The following NLGN1 variants were observed in gnomAD, a reference collection of about 807,000 sequenced individuals.
NLGN1 encodes the protein neuroligin-1.
In NLGN1, 12 loss-of-function variants were observed where a neutral mutation model predicts 65.5. The observed-to-expected ratio is 0.18, with a 90% CI of 0.12 to 0.30. NLGN1 has a LOEUF of 0.30. NLGN1 is among the 10% of genes least tolerant of loss of function. The pLI is 1.00. For synonymous variants in NLGN1, 350 were observed against 359.5 expected, an observed-to-expected ratio of 0.97 and a Z score of 0.30; for missense variants, 750 against 1,007.1, an observed-to-expected ratio of 0.74 and a Z score of 3.46.
intron 3 of NLGN1, among the ~76,000 whole-genome samples, chr3:173,779,913 A>T (rs1270122915): frequency 2.0e-5 from 3 of 152,192 alleles, no homozygotes; most frequent in African/African-American, 7.2e-5. Flanking sequence ...AAATGTTCAT[A>T]AATTGACTCT....
intron 3 of NLGN1, among the ~76,000 whole-genome samples, chr3:173,696,336 A>C (rs1409901117): frequency 6.6e-6 from 1 of 152,092 alleles, no homozygotes; most frequent in Non-Finnish European, 1.5e-5. Flanking sequence ...TAGCACTCTA[A>C]CTTCTCCTTG....
chr3:173,748,831 CTT>C (rs1304199496), intron 3 of NLGN1, among the ~76,000 whole-genome samples: 1 of 151,960 alleles, frequency 6.6e-6, no homozygotes, highest in East Asian at 1.9e-4. Flanking sequence ...AGTAAGGTTG[CTT>C]ATTTATTTGA....
At chr3:173,421,984 T>C (rs987544486) in intron 1 of NLGN1, among the ~76,000 whole-genome samples, 2 of 152,156 alleles carry the variant, frequency 1.3e-5, no homozygotes, top group Non-Finnish European at 2.9e-5. Flanking sequence ...GATACATATA[T>C]ACAATGTTTA....
intron 2 of NLGN1, chr3:173,584,729 G>C (rs1207720697): frequency 2.0e-5 from 3 of 149,558 alleles, no homozygotes; most frequent in Non-Finnish European, 4.4e-5. Flanking sequence ...GTTGCATCTG[G>C]AGAGAAAAAA....
At chr3:173,569,637 T>G (rs1436265061) in intron 2 of NLGN1, among the ~76,000 whole-genome samples, 1 of 152,068 alleles carries the variant, frequency 6.6e-6, no homozygotes, top group Non-Finnish European at 1.5e-5. Flanking sequence ...CTATTTGTTT[T>G]TCAGATGCTT....
chr3:173,826,844 T>C (rs926462492), intron 4 of NLGN1, among the ~76,000 whole-genome samples: 1 of 152,096 alleles, frequency 6.6e-6, no homozygotes, highest in Non-Finnish European at 1.5e-5. Context: ...GCCAGGTCTT[T>C]TAATGGGGGC....
intron 3 of NLGN1, among the ~76,000 whole-genome samples, chr3:173,759,988 T>C (rs893177541): frequency 2.6e-5 from 4 of 151,976 alleles, no homozygotes; most frequent in Non-Finnish European, 5.9e-5. Context: ...ATTCACTTAC[T>C]AAATTAGACC....
At chr3:174,034,988 G>A (rs1369228968) in intron 4 of NLGN1, among the ~76,000 whole-genome samples, 3 of 152,076 alleles carry the variant, frequency 2.0e-5, no homozygotes, top group Admixed American at 2.0e-4. Context: ...CCTAATCAAA[G>A]GAAAAGTGGA....
intron 4 of NLGN1, among the ~76,000 whole-genome samples, chr3:173,920,109 C>G (rs1204955229): frequency 1.3e-5 from 2 of 151,782 alleles, no homozygotes; most frequent in Non-Finnish European, 2.9e-5. Context: ...TAATGTTGAT[C>G]TTCAGGCTGA....
intron 3 of NLGN1, among the ~76,000 whole-genome samples, chr3:173,741,658 A>G (rs915837820): frequency 6.6e-6 from 1 of 151,822 alleles, no homozygotes; most frequent in African/African-American, 2.4e-5. Context: ...ACACCCACCT[A>G]ATTTTTGTAT....
At chr3:173,839,571 C>T (rs372417642) in intron 4 of NLGN1, among the ~76,000 whole-genome samples, 37 of 152,076 alleles carry the variant, frequency 2.4e-4, no homozygotes, top group African/African-American at 6.3e-4. Context: ...TACAGGCATG[C>T]GCCATCACGC....
At chr3:174,157,682 C>G (rs1300751501) in intron 4 of NLGN1, among the ~76,000 whole-genome samples, 1 of 151,716 alleles carries the variant, frequency 6.6e-6, no homozygotes, top group Non-Finnish European at 1.5e-5. Flanking sequence ...CTTTTACTTG[C>G]AACCTTAACC....
At chr3:174,206,653 G>A (rs142213450) in intron 4 of NLGN1, among the ~76,000 whole-genome samples, 6 of 152,194 alleles carry the variant, frequency 3.9e-5, no homozygotes, top group Non-Finnish European at 8.8e-5. Context: ...TTCAGCTACC[G>A]GTAAAATAAT....
At chr3:173,511,576 T>G (rs1732980291) in intron 2 of NLGN1, among the ~76,000 whole-genome samples, 1 of 152,206 alleles carries the variant, frequency 6.6e-6, no homozygotes, top group Non-Finnish European at 1.5e-5. Context: ...GTTTCTTTCT[T>G]TTCCTTCTGG....
chr3:173,614,990 T>G (rs11712636), intron 3 of NLGN1, among the ~76,000 whole-genome samples: 15,860 of 152,142 alleles, frequency 0.1, 979 homozygotes, highest in South Asian at 0.21. Flanking sequence ...CTTAAATGAT[T>G]TTGTATTCCA....
chr3:174,056,735 T>C (rs973334625), intron 4 of NLGN1, among the ~76,000 whole-genome samples: 2 of 152,022 alleles, frequency 1.3e-5, no homozygotes, highest in Non-Finnish European at 2.9e-5. Flanking sequence ...AGCACTATAT[T>C]TCAGACTTAA....
At chr3:173,615,611 A>C (rs534246378) in intron 3 of NLGN1, among the ~76,000 whole-genome samples, 2 of 152,324 alleles carry the variant, frequency 1.3e-5, no homozygotes, top group African/African-American at 4.8e-5. Flanking sequence ...AACTGTGTAT[A>C]GAGCACAAAA....
intron 2 of NLGN1, among the ~76,000 whole-genome samples, chr3:173,510,044 G>A (rs995214946): frequency 6.6e-6 from 1 of 152,140 alleles, no homozygotes; most frequent in Admixed American, 6.6e-5. Flanking sequence ...ACATTTGGCT[G>A]TAACAAGAAT....
At chr3:173,778,684 G>T (rs1003331504) in intron 3 of NLGN1, among the ~76,000 whole-genome samples, 5 of 151,736 alleles carry the variant, frequency 3.3e-5, no homozygotes, top group Admixed American at 1.3e-4. Context: ...TTGGCTCTCA[G>T]TCTTTTCTTT....
Sources: allele counts gnomAD v4.1 joint callset (sites outside exome capture counted in the v4.1 genomes callset), GRCh38; gene constraint gnomAD v4.1.1; transcripts MANE v1.5; gene names NCBI Gene and HGNC (gene_info 2026-07-23, HGNC 2026-07-21).